MFN2: variants seen among roughly 807,000 people sequenced by gnomAD.
MFN2 encodes the protein mitofusin-2.
MFN2 carries 43 observed loss-of-function variants against 87.5 expected under a neutral mutation model. That is an observed-to-expected ratio of 0.49 (90% CI 0.38 to 0.63). The LOEUF (loss-of-function observed/expected upper bound fraction) is 0.63. Among genes scored for constraint, MFN2 ranks in the 30% least tolerant of loss-of-function variants. The pLI is 0.00. For synonymous variants in MFN2, 337 were observed against 359.9 expected (o/e 0.94, Z 0.72); for missense variants, 743 against 972.8 (o/e 0.76, Z 3.14).
At chr1:11,984,413 A>G (rs1336124499) in intron 2 of MFN2, among the ~76,000 whole-genome samples, 2 of 152,128 alleles carry the variant, frequency 1.3e-5, no homozygotes, top group African/African-American at 4.8e-5. Context: ...TTATTGTTTT[A>G]TAACATGTAA....
Position 11,980,446 on chromosome 1 carries a change from AG to A in MFN2, c.-187del, listed in dbSNP as rs1645961013. On this transcript the variant is annotated 5_prime_UTR_variant, in exon 1 of 19. In the 5' UTR this introduces an upstream ATG that the reference lacks. Coordinates refer to ENST00000235329, the MANE Select transcript of MFN2 (RefSeq NM_014874.4). ...CTGGGGTGGCGCTCGCTGGTGACGT[AG>A]TGAGTGTGATGGCCGCCGCGAGGCC... 1.0e-5 allele frequency: 4 copies of A among 397,962 alleles called. No homozygotes were observed. The highest frequency in any genetic ancestry group is 7.1e-5 in the East Asian group (2 of 28,038). The allele number at this position is 397,962 out of a possible 1,614,324, so 24.7% of individuals were successfully genotyped here.
At chr1:11,998,092 C>T (rs1004049680) in intron 6 of MFN2, among the ~76,000 whole-genome samples, 2 of 150,836 alleles carry the variant, frequency 1.3e-5, no homozygotes, top group African/African-American at 4.9e-5. Flanking sequence ...CCATGTTGGC[C>T]AGGCTGGTCT....
rs1004941318 is a variant in MFN2 at position 12,002,107 on chromosome 1, A to G, written c.1160+4A>G. 1 of 1,614,220 alleles carries G rather than the reference A, an allele frequency of 6.2e-7. No homozygotes were observed. The highest frequency in any genetic ancestry group is 8.5e-7 in the Non-Finnish European group (1 of 1,180,028). ...ACATGGCGGCTCGGGAGCAGCAGTA[A>G]GAGTCCAAGACTGCAGATAGGTGGA... is the stretch of plus-strand genomic sequence containing the variant. On this transcript the variant is annotated splice_donor_region_variant and intron_variant, in intron 11 of 18. Coordinates refer to ENST00000235329, the MANE Select transcript of MFN2 (RefSeq NM_014874.4).
chr1:11,986,135 C>T (rs954957933), intron 2 of MFN2, among the ~76,000 whole-genome samples: 1 of 152,112 alleles, frequency 6.6e-6, no homozygotes, highest in African/African-American at 2.4e-5. Flanking sequence ...CGCTTTGGGT[C>T]GGTCTGTCTT....
chr1:12,007,270 C>T, intron 17 of MFN2, 21 bp downstream of exon 17: 1 of 1,611,702 alleles, frequency 6.2e-7, no homozygotes, highest in Non-Finnish European at 8.5e-7. Flanking sequence ...CTGTCGGACC[C>T]CAGCAGGGGA....
In MFN2 at chr1:11,996,185, A is replaced by G; in HGVS notation, c.341A>G (p.Asn114Ser). Residue 114 changes from asparagine to serine, a missense_variant, in exon 5 of 19, where the codon AAT becomes AGT. Transcript: ENST00000235329. The stretch of plus-strand genomic sequence containing the variant: ...AGCAATGGGAAGAGCACCGTGATCA[A>G]TGCCATGCTCTGGGACAAAGTTCTG... The part of the protein sequence containing the change: ...RTSNGKSTVI[N>S]AMLWDKVLPS... 1 of 1,614,206 alleles carries G rather than the reference A, an allele frequency of 6.2e-7. No individual in the cohort carries two copies. The highest frequency in any genetic ancestry group is 8.5e-7 in the Non-Finnish European group (1 of 1,180,028).
At chr1:11,985,255 G>GA (rs1638343971) in intron 2 of MFN2, among the ~76,000 whole-genome samples, 1 of 152,040 alleles carries the variant, frequency 6.6e-6, no homozygotes, top group Non-Finnish European at 1.5e-5. Context: ...TGAGAGTAGA[G>GA]AAAAAAGATA....
intron 10 of MFN2, 61 bp downstream of exon 10, chr1:12,001,897 T>C: frequency 6.2e-7 from 1 of 1,613,924 alleles, no homozygotes; most frequent in South Asian, 1.1e-5. Flanking sequence ...ATTGGCTGTG[T>C]CCCTGGCAGT....
intron 2 of MFN2, among the ~76,000 whole-genome samples, chr1:11,984,839 C>T (rs759674865): frequency 3.9e-5 from 6 of 152,242 alleles, no homozygotes; most frequent in South Asian, 2.1e-4. Flanking sequence ...AGAAACTACA[C>T]GCCTCTTCCC....
rs1327714702 is a variant in MFN2 at position 12,004,640 on chromosome 1, T to G, written c.1392+27T>G. ...TGAGTCATGGAGCAACAGGTCCTCTTGGCAGGAGGCCCCCAAAAGTGATTC... is the reference window on the plus strand; with the variant it reads ...TGAGTCATGGAGCAACAGGTCCTCTGGGCAGGAGGCCCCCAAAAGTGATTC... On this transcript the variant is annotated intron_variant, in intron 13 of 18. Transcript: ENST00000235329. The surrounding 1 kb of genome is among the most constrained non-coding windows in gnomAD (Gnocchi z 4.2). 1 of 1,604,792 alleles carries G rather than the reference T, an allele frequency of 6.2e-7. No individual in the cohort carries two copies. The highest frequency in any genetic ancestry group is 1.7e-5 in the Admixed American group (1 of 59,998).
chr1:11,990,728 T>C (rs945443954), intron 3 of MFN2, among the ~76,000 whole-genome samples: 1 of 152,228 alleles, frequency 6.6e-6, no homozygotes, highest in Admixed American at 6.5e-5. Context: ...CAAGAGCTTG[T>C]TGGCCTGCTG....
Position 12,003,021 on chromosome 1 carries a change from CG to C in MFN2, c.1160+920del, listed in dbSNP as rs903278436. Among the ~76,000 whole-genome samples, 9 of 152,064 alleles carry C rather than the reference CG, an allele frequency of 5.9e-5. No homozygotes were observed. Among genetic ancestry groups the C allele is most frequent in the African/African-American group, 2.2e-4 (9 of 41,376 alleles). ...TAGTATGTGTAGTTTGTTTATGAAT[CG>C]GAACTGCTGTAGTATATTCCATTGT... On this transcript the variant is annotated intron_variant, in intron 11 of 18. Coordinates refer to ENST00000235329, the MANE Select transcript of MFN2 (RefSeq NM_014874.4). The surrounding 1 kb of genome is among the most constrained non-coding windows in gnomAD (Gnocchi z 4.1).
At position 12,013,505 on chromosome 1, in the gene MFN2, A is replaced by G. The variant is rs1178601100; in HGVS notation, c.*1940A>G. ...AAACTAAAATAAAACCTAGTTGGAA[A>G]TCCTTTGTGAGATCTGTCTTTTTGG... On this transcript the variant is annotated 3_prime_UTR_variant, in exon 19 of 19. Transcript: ENST00000235329. 5.4e-6 allele frequency: 2 copies of G among 373,354 alleles called. No individual in the cohort carries two copies. The highest frequency in any genetic ancestry group is 1.1e-5 in the Non-Finnish European group (2 of 182,832). 23.1% of individuals were successfully genotyped at this position (373,354 alleles called of 1,614,324 possible). A position where few individuals can be genotyped will look rare whatever the true frequency, so the allele number is the denominator to read the frequency against.
rs1639745467 is a variant in MFN2 at position 12,012,795 on chromosome 1, C to T, written c.*1230C>T. ...TTGAAGTGGGGGCAGATGCCTGTCA[C>T]CAAGGTGTTGACTGTGTGAGAAAAG... On this transcript the variant is annotated 3_prime_UTR_variant, in exon 19 of 19. Coordinates refer to ENST00000235329, the MANE Select transcript of MFN2 (RefSeq NM_014874.4). The T allele has an allele frequency of 6.6e-6, 1 of 152,594 alleles. No individual in the cohort carries two copies. The highest frequency in any genetic ancestry group is 2.4e-5 in the African/African-American group (1 of 41,472). The allele number at this position is 152,594 out of a possible 1,614,324, so 9.5% of individuals were successfully genotyped here.
At chr1:11,990,201 C>T (rs1007502807) in intron 3 of MFN2, among the ~76,000 whole-genome samples, 4 of 152,172 alleles carry the variant, frequency 2.6e-5, no homozygotes, top group African/African-American at 9.7e-5. Context: ...CTTGGCTTCT[C>T]GTTGTTTTAC....
At chr1:11,991,629 A>G (rs1279654677) in intron 3 of MFN2, among the ~76,000 whole-genome samples, 1 of 152,192 alleles carries the variant, frequency 6.6e-6, no homozygotes, top group Non-Finnish European at 1.5e-5. Flanking sequence ...GAGGGCCTCA[A>G]GAAGTGACAT....
chr1:11,983,462 G>C (rs1040488899), intron 2 of MFN2, among the ~76,000 whole-genome samples: 12 of 152,298 alleles, frequency 7.9e-5, no homozygotes, highest in East Asian at 5.8e-4. Context: ...CCACGCTTTG[G>C]GAAGTGCTGC....
chr1:12,001,922 G>T, intron 10 of MFN2, 60 bp from the exon 11 acceptor site: 1 of 1,614,078 alleles, frequency 6.2e-7, no homozygotes, highest in South Asian at 1.1e-5. Context: ...ACCAGAGTCT[G>T]GCCCTTGGTT....
chr1:12,007,142 CAAGGCCAAGGAGA>C lies in MFN2; in HGVS notation c.1963_1975del (p.Lys655GlyfsTer59). 1.2e-6 allele frequency: 2 copies of C among 1,614,218 alleles called. No homozygotes were observed. The highest frequency in any genetic ancestry group is 1.7e-6 in the Non-Finnish European group (2 of 1,180,042). On this transcript the variant is annotated frameshift_variant, in exon 17 of 19. Coordinates refer to ENST00000235329, the MANE Select transcript of MFN2 (RefSeq NM_014874.4). LOFTEE classifies it high-confidence loss of function. ...TCTATGAGCGTCTGACCTGGACCAC[CAAGGCCAAGGAGA>C]GGGCCTTCAAGCGCCAGTTTGTGGA...
Sources: gnomAD v4.1 joint callset for allele counts (sites outside exome capture counted in the v4.1 genomes callset) on GRCh38, gnomAD v4.1.1 for gene constraint, Gnocchi (gnomAD v3.1) non-coding constraint, MANE v1.5 for transcripts, NCBI Gene and HGNC (gene_info 2026-07-23, HGNC 2026-07-21) for gene names.